Variants in TNFAIP8 observed in about 807,000 individuals in gnomAD.
TNFAIP8 encodes tumor necrosis factor alpha-induced protein 8.
In TNFAIP8, 7 loss-of-function variants were observed where a neutral mutation model predicts 13.3. The ratio of observed to expected loss-of-function variants is 0.52; its 90% confidence interval spans 0.30 to 0.99. The LOEUF (loss-of-function observed/expected upper bound fraction) is 0.99, where lower values mean the gene tolerates loss of function less well. Among genes scored for constraint, TNFAIP8 ranks in the 50% least tolerant of loss-of-function variants. The probability of loss-of-function intolerance (pLI) is 0.07; values close to 1 mark genes in which losing one functional copy is unlikely to be tolerated. For missense variants in TNFAIP8, 258 were observed against 236.9 expected (o/e 1.09, Z -0.58); for synonymous variants, 94 against 87.6 (o/e 1.07, Z -0.41).
chr5:119,335,619 T>C (rs1750527746), intron 1 of TNFAIP8, among the ~76,000 whole-genome samples: 1 of 152,024 alleles, frequency 6.6e-6, no homozygotes, highest in South Asian at 2.1e-4. Context: ...TAAAGGTCTG[T>C]AATCCTTCTG....
intron 1 of TNFAIP8, among the ~76,000 whole-genome samples, chr5:119,374,751 G>T (rs1020781022): frequency 6.6e-6 from 1 of 152,160 alleles, no homozygotes; most frequent in Admixed American, 6.5e-5. Context: ...ATGGCCGGGG[G>T]GCTAATTGGA....
intron 1 of TNFAIP8, among the ~76,000 whole-genome samples, chr5:119,319,435 C>T (rs1038696047): frequency 2.0e-5 from 3 of 152,112 alleles, no homozygotes; most frequent in African/African-American, 7.2e-5. Flanking sequence ...GAGAACATTC[C>T]AACGTGTGCT....
At chr5:119,379,372 T>C (rs542918980) in intron 1 of TNFAIP8, among the ~76,000 whole-genome samples, 2 of 152,316 alleles carry the variant, frequency 1.3e-5, no homozygotes, top group Admixed American at 1.3e-4. Flanking sequence ...GGAATTTAAC[T>C]CTTTCACAAG....
chr5:119,278,374 AGAGTGTGTGTGT>A lies in TNFAIP8; in HGVS notation c.1+9469_1+9480del, dbSNP rs1392389348. On this transcript the variant is annotated intron_variant, in intron 1 of 1. Coordinates refer to the TNFAIP8 transcript ENST00000274456. ...GGGGGAGAGAGAGAGAGAGAGAGAG[AGAGTGTGTGTGT>A]GTGTGTGTGTGTGTGTGTGTGTGTG... Among the ~76,000 whole-genome samples, 379 of 123,190 alleles carry A rather than the reference AGAGTGTGTGTGT, an allele frequency of 3.1e-3. 1 individual carries two copies. The highest frequency in any genetic ancestry group is 0.014 in the African/African-American group (361 of 26,726). 80.8% of individuals were successfully genotyped at this position (123,190 alleles called of 152,430 possible). A position where few individuals can be genotyped will look rare whatever the true frequency, so the allele number is the denominator to read the frequency against.
intron 1 of TNFAIP8, among the ~76,000 whole-genome samples, chr5:119,273,991 T>G (rs1748367962): frequency 6.6e-6 from 1 of 152,210 alleles, no homozygotes; most frequent in Non-Finnish European, 1.5e-5. Context: ...CTAACTCTTA[T>G]TTATTACTCT....
chr5:119,271,873 C>T (rs1272521766), intron 1 of TNFAIP8, among the ~76,000 whole-genome samples: 1 of 152,110 alleles, frequency 6.6e-6, no homozygotes, highest in Admixed American at 6.5e-5. Context: ...ACTGAAAAGG[C>T]CCTCGTAACA....
intron 1 of TNFAIP8, among the ~76,000 whole-genome samples, chr5:119,322,166 C>G (rs1232377504): frequency 6.6e-6 from 1 of 152,220 alleles, no homozygotes; most frequent in Non-Finnish European, 1.5e-5. Flanking sequence ...ACTCTCTAGC[C>G]CCTGCCTCTG....
chr5:119,365,725 A>T (rs2112799375), intron 1 of TNFAIP8, among the ~76,000 whole-genome samples: 1 of 152,338 alleles, frequency 6.6e-6, no homozygotes, highest in South Asian at 2.1e-4. Flanking sequence ...TCACCTTTCA[A>T]GGATTAATAT....
chr5:119,383,396 C>T (rs572932497), intron 1 of TNFAIP8, among the ~76,000 whole-genome samples: 1 of 152,286 alleles, frequency 6.6e-6, no homozygotes, highest in Non-Finnish European at 1.5e-5. Context: ...ATAATACTTG[C>T]CCCCCAACCA....
chr5:119,296,708 T>C (rs1220517409), intron 1 of TNFAIP8, among the ~76,000 whole-genome samples: 6 of 151,734 alleles, frequency 4.0e-5, no homozygotes, highest in Admixed American at 6.6e-5. Context: ...ATGGTACCAG[T>C]TCCTCCTTGT....
intron 1 of TNFAIP8, among the ~76,000 whole-genome samples, chr5:119,294,362 C>A (rs2112636506): frequency 6.6e-6 from 1 of 152,292 alleles, no homozygotes; most frequent in African/African-American, 2.4e-5. Context: ...CATGTCCCTA[C>A]AAAGAACATG....
Position 119,392,863 on chromosome 5 carries a change from A to G in TNFAIP8, c.79A>G (p.Lys27Glu), listed in dbSNP as rs1474679000. The stretch of plus-strand genomic sequence containing the variant: ...CAAAAACCTGGCCGTTCAGGCACAA[A>G]AGAAGATCTTGGGTAAAATGGTGTC... ...NSKNLAVQAQ[K>E]KILGKMVSKS... Residue 27 changes from lysine (K) to glutamate (E), a missense_variant, in exon 2 of 2, where the codon AAG becomes GAG. Physicochemically the swap from Lys to Glu is moderately conservative, Grantham distance 56. Transcript: ENST00000504771. The G allele has an allele frequency of 6.4e-7, 1 of 1,565,624 alleles. No individual in the cohort carries two copies. Among genetic ancestry groups the G allele is most frequent in the Non-Finnish European group, 8.7e-7 (1 of 1,155,056 alleles).
rs868041603 is a variant in TNFAIP8 at position 119,324,363 on chromosome 5, G to T, written c.1+55456G>T. ...CCCAACTTCCCCCTCGGGGCTGGGA[G>T]CTCCTGGGTGAGGTTTCTAAGTCTC... On this transcript the variant is annotated intron_variant, in intron 1 of 1. Coordinates refer to the TNFAIP8 transcript ENST00000274456. Among the ~76,000 whole-genome samples the T allele has an allele frequency of 2.7e-5, 4 of 148,644 alleles. No individual in the cohort carries two copies. In the South Asian group the frequency reaches 8.7e-4, roughly 32 times the overall value.
chr5:119,324,121 A>G (rs575882616), intron 1 of TNFAIP8, among the ~76,000 whole-genome samples: 35 of 151,986 alleles, frequency 2.3e-4, no homozygotes, highest in Admixed American at 7.9e-4. Flanking sequence ...CCAAAAATTC[A>G]AAAATTAGCC....
intron 1 of TNFAIP8, among the ~76,000 whole-genome samples, chr5:119,276,230 AC>A (rs1748441675): frequency 6.6e-6 from 1 of 151,280 alleles, no homozygotes; most frequent in Admixed American, 6.6e-5. Flanking sequence ...CGAAGCTCCT[AC>A]CTCAGCCTCC....
At chr5:119,294,293 G>A (rs914851150) in intron 1 of TNFAIP8, among the ~76,000 whole-genome samples, 16 of 145,268 alleles carry the variant, frequency 1.1e-4, no homozygotes, top group African/African-American at 3.5e-4. Flanking sequence ...GAGAACATGC[G>A]GTGTTTGGTT....
chr5:119,385,575 A>G (rs1001648385), intron 1 of TNFAIP8, among the ~76,000 whole-genome samples: 6 of 152,184 alleles, frequency 3.9e-5, no homozygotes, highest in African/African-American at 1.4e-4. Context: ...TACTAAATCT[A>G]TTGCTAACAA....
chr5:119,379,012 A>G (rs920024480), intron 1 of TNFAIP8, among the ~76,000 whole-genome samples: 1 of 152,222 alleles, frequency 6.6e-6, no homozygotes, highest in African/African-American at 2.4e-5. Context: ...GCAGTAAGTT[A>G]TGATCTGGCT....
At chr5:119,378,591 C>A (rs1295372505) in intron 1 of TNFAIP8, among the ~76,000 whole-genome samples, 1 of 152,144 alleles carries the variant, frequency 6.6e-6, no homozygotes, top group Non-Finnish European at 1.5e-5. Context: ...AATATTCAAA[C>A]AGATGGGTTT....
Sources: gnomAD v4.1 joint callset for allele counts (sites outside exome capture counted in the v4.1 genomes callset) on GRCh38, gnomAD v4.1.1 for gene constraint, MANE v1.5 for transcripts, NCBI Gene and HGNC (gene_info 2026-07-23, HGNC 2026-07-21) for gene names.